Variants in CSMD1 observed in about 807,000 individuals in gnomAD.
The protein encoded by CSMD1 is CUB and sushi domain-containing protein 1.
A neutral mutation model predicts 417.5 loss-of-function variants in CSMD1; 213 were observed. The ratio of observed to expected loss-of-function variants is 0.51; its 90% CI spans 0.46 to 0.57. CSMD1 has a LOEUF of 0.57. Ranked by LOEUF, CSMD1 falls within the 20% of genes least tolerant of loss-of-function variation. The pLI, the probability that CSMD1 is intolerant of heterozygous loss-of-function variation, is 0.00. For synonymous variants in CSMD1, 2,862 were observed against 1,736.8 expected (o/e 1.65, Z -16.11); for missense variants, 6,923 against 4,529.7 (o/e 1.53, Z -15.17).
At chr8:4,161,573 T>G (rs1009080986) in intron 3 of CSMD1, among the ~76,000 whole-genome samples, 2 of 152,148 alleles carry the variant, frequency 1.3e-5, no homozygotes, top group Non-Finnish European at 2.9e-5. Flanking sequence ...TTGGACAGAG[T>G]TCATCAAGCG....
intron 3 of CSMD1, among the ~76,000 whole-genome samples, chr8:4,067,984 G>C (rs566660698): frequency 7.2e-5 from 11 of 152,138 alleles, no homozygotes; most frequent in African/African-American, 2.2e-4. Flanking sequence ...GGCTGAGAAA[G>C]GAGAATCACC....
chr8:4,987,502 T>A (rs1181344012), intron 1 of CSMD1, among the ~76,000 whole-genome samples: 1 of 152,232 alleles, frequency 6.6e-6, no homozygotes, highest in African/African-American at 2.4e-5. Context: ...CTCTATCATA[T>A]CCACATCATA....
At chr8:4,668,581 C>G (rs1407729820) in intron 1 of CSMD1, among the ~76,000 whole-genome samples, 1 of 151,788 alleles carries the variant, frequency 6.6e-6, no homozygotes, top group Admixed American at 6.6e-5. Context: ...TCCAGAGAAG[C>G]TGGGAATACA....
At chr8:3,491,654 T>A (rs1159315741) in intron 11 of CSMD1, among the ~76,000 whole-genome samples, 1 of 152,162 alleles carries the variant, frequency 6.6e-6, no homozygotes, top group Non-Finnish European at 1.5e-5. Context: ...TCCATCGATT[T>A]TTAAGGGAAT....
chr8:4,066,377 C>A (rs543128089), intron 3 of CSMD1, among the ~76,000 whole-genome samples: 21 of 152,132 alleles, frequency 1.4e-4, no homozygotes, highest in Non-Finnish European at 2.2e-4. Flanking sequence ...TCCCACTCAG[C>A]GCAGGGATGT....
chr8:3,645,254 G>C (rs1190318616), intron 7 of CSMD1, among the ~76,000 whole-genome samples: 2 of 152,184 alleles, frequency 1.3e-5, no homozygotes, highest in African/African-American at 4.8e-5. Context: ...CATGCAGTAA[G>C]TGTTCATACA....
intron 49 of CSMD1, among the ~76,000 whole-genome samples, chr8:3,053,068 C>T (rs185166880): frequency 6.6e-6 from 1 of 152,318 alleles, no homozygotes; most frequent in African/African-American, 2.4e-5. Flanking sequence ...AGGCGTGAGC[C>T]ACCATGCCCA....
At chr8:3,851,056 T>C (rs913874883) in intron 5 of CSMD1, among the ~76,000 whole-genome samples, 3 of 152,246 alleles carry the variant, frequency 2.0e-5, no homozygotes, top group African/African-American at 7.2e-5. Context: ...TAGAAATGAA[T>C]GTAGAAGGAA....
intron 12 of CSMD1, among the ~76,000 whole-genome samples, chr8:3,465,626 T>C (rs1585205314): frequency 6.6e-6 from 1 of 152,094 alleles, no homozygotes; most frequent in East Asian, 1.9e-4. Context: ...GATTTGAGGG[T>C]CCCCGAAATA....
chr8:3,851,930 T>C (rs903469281), intron 5 of CSMD1, among the ~76,000 whole-genome samples: 1 of 152,002 alleles, frequency 6.6e-6, no homozygotes, highest in South Asian at 2.1e-4. Flanking sequence ...GGCCTGAGCA[T>C]TGAAGAATAT....
intron 7 of CSMD1, among the ~76,000 whole-genome samples, chr8:3,682,390 C>A (rs977745893): frequency 2.6e-5 from 4 of 152,184 alleles, no homozygotes; most frequent in African/African-American, 9.7e-5. Flanking sequence ...AGGACATGAA[C>A]AGACACTTCT....
intron 5 of CSMD1, among the ~76,000 whole-genome samples, chr8:3,792,448 G>C (rs564734527): frequency 6.6e-5 from 10 of 152,300 alleles, no homozygotes; most frequent in South Asian, 2.1e-4. Flanking sequence ...AACTGAACAA[G>C]ATGAGGACGG....
At chr8:3,873,949 C>A (rs1302234722) in intron 5 of CSMD1, among the ~76,000 whole-genome samples, 2 of 152,142 alleles carry the variant, frequency 1.3e-5, no homozygotes, top group African/African-American at 4.8e-5. Context: ...GAAAAGAGAA[C>A]AGTGCAGTCT....
intron 2 of CSMD1, among the ~76,000 whole-genome samples, chr8:4,433,522 T>A (rs924938249): frequency 2.0e-5 from 3 of 151,580 alleles, no homozygotes; most frequent in Non-Finnish European, 4.4e-5. Context: ...CAGCCCCAGA[T>A]CCCCCTGCCG....
chr8:4,076,169 T>C (rs1461807954), intron 3 of CSMD1, among the ~76,000 whole-genome samples: 4 of 152,202 alleles, frequency 2.6e-5, no homozygotes, highest in Non-Finnish European at 5.9e-5. Context: ...CTCCATGGTG[T>C]TCTCACGACA....
chr8:4,704,199 C>G (rs1469508130), intron 1 of CSMD1, among the ~76,000 whole-genome samples: 1 of 152,220 alleles, frequency 6.6e-6, no homozygotes, highest in Non-Finnish European at 1.5e-5. Context: ...ATTTAATACG[C>G]TGGTAGCACC....
chr8:3,636,498 A>T (rs1452136144), intron 7 of CSMD1, among the ~76,000 whole-genome samples: 2 of 152,148 alleles, frequency 1.3e-5, no homozygotes, highest in African/African-American at 2.4e-5. Flanking sequence ...AATCTTTAGG[A>T]GTCTATCTAA....
intron 1 of CSMD1, among the ~76,000 whole-genome samples, chr8:4,880,346 A>C (rs1271521009): frequency 6.6e-6 from 1 of 152,070 alleles, no homozygotes; most frequent in South Asian, 2.1e-4. Flanking sequence ...TAAGATAGTC[A>C]AATTTACTTG....
chr8:4,319,838 G>C lies in CSMD1; in HGVS notation c.415+100115C>G, dbSNP rs1028076087. 2.6e-5 allele frequency among the ~76,000 whole-genome samples: 4 copies of C among 152,174 alleles called. No individual in the cohort carries two copies. The East Asian group carries it at 5.8e-4, about 22-fold the overall frequency. ...GAGGACCCTCGGGGTCTTCAGCTGAGAGCTCACCTGTATATTATGCAGGTA... is the reference window on the plus strand; with the variant it reads ...GAGGACCCTCGGGGTCTTCAGCTGACAGCTCACCTGTATATTATGCAGGTA... On this transcript the variant is annotated intron_variant, in intron 3 of 69. Coordinates refer to ENST00000635120, the MANE Select transcript of CSMD1 (RefSeq NM_033225.6).
Sources: allele counts gnomAD v4.1 joint callset (sites outside exome capture counted in the v4.1 genomes callset), GRCh38; gene constraint gnomAD v4.1.1; transcripts MANE v1.5; gene names NCBI Gene and HGNC (gene_info 2026-07-23, HGNC 2026-07-21).